The following LRRC4C variants were observed in gnomAD, a reference collection of about 807,000 sequenced individuals.
LRRC4C encodes the protein leucine-rich repeat-containing protein 4C.
A neutral mutation model predicts 33.6 loss-of-function variants in LRRC4C; 5 were observed. The observed-to-expected ratio is 0.15, with a 90% CI of 0.08 to 0.31. LRRC4C has a LOEUF of 0.31. Ranked by LOEUF, LRRC4C falls within the 10% of genes least tolerant of loss-of-function variation. LRRC4C has a pLI of 1.00. For synonymous variants in LRRC4C, 329 were observed against 302.0 expected, an observed-to-expected ratio of 1.09 and a Z score of -0.93; for missense variants, 560 against 796.7, an observed-to-expected ratio of 0.70 and a Z score of 3.58.
intron 3 of LRRC4C, among the ~76,000 whole-genome samples, chr11:40,384,020 C>T (rs1002809053): frequency 2.0e-5 from 3 of 150,024 alleles, no homozygotes; most frequent in Admixed American, 2.0e-4. Context: ...TTTACGGTTT[C>T]CAAACATTTT....
At chr11:40,843,206 C>G (rs1476062045) in intron 2 of LRRC4C, among the ~76,000 whole-genome samples, 1 of 152,108 alleles carries the variant, frequency 6.6e-6, no homozygotes, top group Admixed American at 6.6e-5. Context: ...AGGGGCCAAG[C>G]AGCCATTCTA....
chr11:40,511,751 T>G (rs578221223), intron 3 of LRRC4C, among the ~76,000 whole-genome samples: 8 of 152,276 alleles, frequency 5.3e-5, no homozygotes, highest in African/African-American at 1.9e-4. Context: ...CCAGAAGAAT[T>G]GCTTCTGGGC....
intron 2 of LRRC4C, among the ~76,000 whole-genome samples, chr11:40,723,273 T>C (rs1228718420): frequency 6.6e-6 from 1 of 151,580 alleles, no homozygotes; most frequent in Non-Finnish European, 1.5e-5. Flanking sequence ...CAAGATACTA[T>C]ATAAGACAAT....
At chr11:40,262,065 T>G (rs770940434) in intron 4 of LRRC4C, among the ~76,000 whole-genome samples, 34 of 152,186 alleles carry the variant, frequency 2.2e-4, no homozygotes, top group South Asian at 6.2e-4. Context: ...GGGAGAAAAT[T>G]TTTGCAATCT....
intron 3 of LRRC4C, among the ~76,000 whole-genome samples, chr11:40,520,189 A>G (rs570995703): frequency 1.3e-5 from 2 of 152,288 alleles, no homozygotes; most frequent in East Asian, 3.9e-4. Context: ...CTCATTGACA[A>G]CGCATTTAGT....
chr11:41,458,074 C>T (rs1956225611), intron 1 of LRRC4C, among the ~76,000 whole-genome samples: 1 of 152,064 alleles, frequency 6.6e-6, no homozygotes, highest in South Asian at 2.1e-4. Context: ...TCTCATAAAT[C>T]TTTGACCCAG....
chr11:41,261,731 G>A (rs980620493), intron 1 of LRRC4C, among the ~76,000 whole-genome samples: 3 of 152,092 alleles, frequency 2.0e-5, no homozygotes, highest in Non-Finnish European at 2.9e-5. Context: ...ACTGAAGAAT[G>A]CAAGAGAAAA....
chr11:40,114,585 T>A lies in LRRC4C; in HGVS notation c.1708A>T (p.Asn570Tyr). The A allele has an allele frequency of 1.2e-6, 2 of 1,614,124 alleles. No individual in the cohort carries two copies. The highest frequency in any genetic ancestry group is 1.7e-6 in the Non-Finnish European group (2 of 1,180,024). Residue 570 changes from asparagine to tyrosine, a missense_variant, in exon 7 of 7, where the codon AAT (asparagine) becomes TAT (tyrosine). By Grantham distance (143) the Asn-to-Tyr change is moderately radical (BLOSUM62 -2). Coordinates refer to ENST00000528697, the MANE Select transcript of LRRC4C (RefSeq NM_001258419.2). ...TCTCCCGTAATCTCATCATCCACAT[T>A]AATAATTTCAACAGTCCTTGTTGGG... is the stretch of plus-strand genomic sequence containing the variant. Reference protein sequence around the residue: ...HAPTRTVEIINVDDEITGDTP... With the variant: ...HAPTRTVEIIYVDDEITGDTP...
intron 3 of LRRC4C, among the ~76,000 whole-genome samples, chr11:40,406,925 C>T (rs140857385): frequency 1.3e-3 from 193 of 152,094 alleles, no homozygotes; most frequent in African/African-American, 4.6e-3. Flanking sequence ...TGAGCTGCTC[C>T]CCCTTCTCCA....
intron 1 of LRRC4C, among the ~76,000 whole-genome samples, chr11:41,034,518 A>G (rs139228802): frequency 0.02 from 2,936 of 145,646 alleles, 36 homozygotes; most frequent in Middle Eastern, 0.047. Context: ...ATATGTGTGT[A>G]TATATATATT....
At chr11:40,535,446 A>C (rs1055499359) in intron 3 of LRRC4C, among the ~76,000 whole-genome samples, 5 of 152,182 alleles carry the variant, frequency 3.3e-5, no homozygotes, top group Non-Finnish European at 7.3e-5. Context: ...TTTACAAAGA[A>C]GGTTCAACAA....
In LRRC4C at chr11:40,460,017, G is replaced by C. The variant is rs187016391; in HGVS notation, c.-269-140296C>G. 2.0e-5 allele frequency among the ~76,000 whole-genome samples: 3 copies of C among 152,168 alleles called. No homozygotes were observed. In the East Asian group the frequency reaches 5.8e-4, roughly 29 times the overall value. On this transcript the variant is annotated intron_variant, in intron 3 of 6. Transcript: ENST00000528697. ...TTTTAGCAACAATGCAATTTTTCAG[G>C]GTGTGGTAAAAGCTAAGAACAGAAA...
At chr11:40,382,692 T>C (rs973574761) in intron 3 of LRRC4C, among the ~76,000 whole-genome samples, 24 of 129,820 alleles carry the variant, frequency 1.8e-4, no homozygotes, top group African/African-American at 7.6e-4. Flanking sequence ...TCATTTTTTT[T>C]TTTTTTTTTT....
chr11:40,788,840 C>A (rs777675813), intron 2 of LRRC4C, among the ~76,000 whole-genome samples: 1 of 152,040 alleles, frequency 6.6e-6, no homozygotes, highest in Non-Finnish European at 1.5e-5. Context: ...ACGCCTTAAT[C>A]CCAGCACTAT....
chr11:40,225,682 T>C (rs1171042325), intron 5 of LRRC4C, among the ~76,000 whole-genome samples: 1 of 150,980 alleles, frequency 6.6e-6, no homozygotes, highest in Non-Finnish European at 1.5e-5. Flanking sequence ...AATGGCACGA[T>C]CTCGGCTCAC....
chr11:40,480,235 A>G (rs770724146), intron 3 of LRRC4C, among the ~76,000 whole-genome samples: 1 of 152,008 alleles, frequency 6.6e-6, no homozygotes, highest in African/African-American at 2.4e-5. Context: ...AAATCTTGAA[A>G]TTGACACTTA....
chr11:41,104,439 T>C (rs1164422403), intron 1 of LRRC4C, among the ~76,000 whole-genome samples: 2 of 151,906 alleles, frequency 1.3e-5, no homozygotes, highest in Non-Finnish European at 2.9e-5. Context: ...CTAAGAAGGC[T>C]ATAATGGAAA....
intron 2 of LRRC4C, among the ~76,000 whole-genome samples, chr11:40,682,737 A>C (rs886775233): frequency 1.1e-4 from 11 of 100,188 alleles, no homozygotes; most frequent in Admixed American, 1.0e-3. Flanking sequence ...ACAGAGGGAG[A>C]CTCTGTCTCA....
chr11:40,843,090 T>C (rs746237855), intron 2 of LRRC4C, among the ~76,000 whole-genome samples: 4 of 152,204 alleles, frequency 2.6e-5, no homozygotes, highest in Non-Finnish European at 5.9e-5. Flanking sequence ...TGAATTTTCA[T>C]TCTAATCTAT....
Sources: gnomAD v4.1 joint callset for allele counts (sites outside exome capture counted in the v4.1 genomes callset) on GRCh38, gnomAD v4.1.1 for gene constraint, MANE v1.5 for transcripts, NCBI Gene and HGNC (gene_info 2026-07-23, HGNC 2026-07-21) for gene names.